PCDHGB5: variants seen among roughly 807,000 people sequenced by gnomAD.
The protein encoded by PCDHGB5 is protocadherin gamma subfamily B, 5.
A neutral mutation model predicts 62.9 loss-of-function variants in PCDHGB5; 48 were observed. The observed-to-expected ratio is 0.76, with a 90% CI of 0.61 to 0.97. PCDHGB5 has a LOEUF of 0.97. Among genes scored for constraint, PCDHGB5 ranks in the 50% least tolerant of loss-of-function variants. The pLI is 0.00. For missense variants in PCDHGB5, 1,118 were observed against 1,198.6 expected (o/e 0.93, Z 0.99); for synonymous variants, 474 against 511.2 (o/e 0.93, Z 0.98).
chr5:141,399,465 G>T lies in PCDHGB5; in HGVS notation c.1338G>T (p.Pro446=). 1 of 1,614,014 alleles carries T rather than the reference G, an allele frequency of 6.2e-7. No homozygotes were observed. The highest frequency in any genetic ancestry group is 8.5e-7 in the Non-Finnish European group (1 of 1,179,898). The change falls in exon 1 of 4, where the codon CCG becomes CCT. Residue 446 remains proline (P), a synonymous_variant. Transcript: ENST00000617380. ...TCAGAGACGTCAACGATAACGCTCC[G>T]GTTTTCCACCAGGCGTCCTACTTAG... The part of the protein sequence containing the change: ...LHIRDVNDNA[P]VFHQASYLVS...
Position 141,399,778 on chromosome 5 carries a change from C to G in PCDHGB5, c.1651C>G (p.Arg551Gly), listed in dbSNP as rs187080333. Reference protein sequence around the residue: ...NVSLRVLVGDRNDNAPRVLYP... With the variant: ...NVSLRVLVGDGNDNAPRVLYP... ...GAGCCTGCGCGTGTTGGTGGGCGACCGAAACGACAACGCACCGCGGGTGCT... is the reference window on the plus strand; with the variant it reads ...GAGCCTGCGCGTGTTGGTGGGCGACGGAAACGACAACGCACCGCGGGTGCT... Residue 551 changes from arginine (R) to glycine (G), a missense_variant, in exon 1 of 4, where the codon CGA (arginine) becomes GGA (glycine). Physicochemically the swap from Arg to Gly is moderately radical, Grantham distance 125 (BLOSUM62 -2). This residue lies in a region of PCDHGB5 where 1,034 missense variants were observed against 1,029.1 expected (regional missense o/e 1.00). Coordinates refer to ENST00000617380, the MANE Select transcript of PCDHGB5 (RefSeq NM_018925.3). The G allele has an allele frequency of 3.4e-4, 542 of 1,613,250 alleles. 2 individuals are homozygous for G. The African/African-American group carries it at 5.6e-3, about 17-fold the overall frequency.
intron 2 of PCDHGB5, among the ~76,000 whole-genome samples, chr5:141,495,700 T>A (rs2099763052): frequency 6.6e-6 from 1 of 152,228 alleles, no homozygotes; most frequent in Non-Finnish European, 1.5e-5. Flanking sequence ...GCTCAATAAA[T>A]GTGGAGTGAG....
At chr5:141,478,493 G>A in intron 1 of PCDHGB5, 1 of 1,613,176 alleles carries the variant, frequency 6.2e-7, no homozygotes, top group Non-Finnish European at 8.5e-7. Flanking sequence ...GCGGAGCTGT[G>A]ATCCGGTGTT....
At chr5:141,437,761 C>G (rs1200327020) in intron 1 of PCDHGB5, among the ~76,000 whole-genome samples, 3 of 144,682 alleles carry the variant, frequency 2.1e-5, no homozygotes, top group Admixed American at 7.0e-5. Flanking sequence ...TTTTTTGAGA[C>G]AGAGTCTCAA....
At chr5:141,426,514 G>A (rs867794856) in intron 1 of PCDHGB5, 22 of 340,738 alleles carry the variant, frequency 6.5e-5, no homozygotes, top group Non-Finnish European at 8.2e-5. Context: ...ATACTTTACC[G>A]TGAACACGGA....
At position 141,490,487 on chromosome 5, in the gene PCDHGB5, C is replaced by T. The variant is rs1398601464; in HGVS notation, c.2398-4320C>T. Reference sequence around the variant, plus strand: ...ACCAGCCAGCCTTTGGACCGGGAGGCCACATCCCACTATATCATCGAGCTG... The same window carrying T: ...ACCAGCCAGCCTTTGGACCGGGAGGTCACATCCCACTATATCATCGAGCTG... On this transcript the variant is annotated intron_variant, in intron 1 of 3. Coordinates refer to ENST00000617380, the MANE Select transcript of PCDHGB5 (RefSeq NM_018925.3). This position sits in a 1 kb window ranked among gnomAD's most constrained non-coding sequence, Gnocchi z 5.4. 4 of 1,614,000 alleles carry T rather than the reference C, an allele frequency of 2.5e-6. No homozygotes were observed. The highest frequency in any genetic ancestry group is 1.7e-5 in the Admixed American group (1 of 59,996).
intron 2 of PCDHGB5, 147 bp from the exon 3 acceptor site, chr5:141,505,246 G>A (rs2099844792): frequency 2.1e-6 from 3 of 1,436,556 alleles, no homozygotes; most frequent in African/African-American, 1.4e-5. Flanking sequence ...AAGGATTGTA[G>A]AAGTGCCTCC....
At chr5:141,480,927 C>T (rs1562083028) in intron 1 of PCDHGB5, among the ~76,000 whole-genome samples, 1 of 152,090 alleles carries the variant, frequency 6.6e-6, no homozygotes, top group Non-Finnish European at 1.5e-5. Context: ...TACCTGTAGT[C>T]CCAGCTACTC....
intron 1 of PCDHGB5, among the ~76,000 whole-genome samples, chr5:141,492,996 AG>A: frequency 6.6e-6 from 1 of 152,348 alleles, no homozygotes; most frequent in Admixed American, 6.5e-5. Flanking sequence ...GCAGATGGAA[AG>A]CTATAGGCTC....
At position 141,470,884 on chromosome 5, in the gene PCDHGB5, G is replaced by T. The variant is rs2099243316; in HGVS notation, c.2398-23923G>T. 3.3e-5 allele frequency among the ~76,000 whole-genome samples: 5 copies of T among 151,648 alleles called. No individual in the cohort carries two copies. In the South Asian group the frequency reaches 1.0e-3, roughly 32 times the overall value. On this transcript the variant is annotated intron_variant, in intron 1 of 3. Coordinates refer to ENST00000617380, the MANE Select transcript of PCDHGB5 (RefSeq NM_018925.3). ...TTTGTTTGTTTGTTTTTTTGTTTTT[G>T]TTTTTGTTTTTTGTAGAGATGGGAC...
intron 1 of PCDHGB5, among the ~76,000 whole-genome samples, chr5:141,481,869 G>A (rs909237712): frequency 4.1e-5 from 6 of 146,780 alleles, no homozygotes; most frequent in East Asian, 2.0e-4. Flanking sequence ...AGCCGAGATC[G>A]CGCCACTGCA....
chr5:141,438,682 A>G (rs1282726848), intron 1 of PCDHGB5, among the ~76,000 whole-genome samples: 13 of 140,730 alleles, frequency 9.2e-5, no homozygotes, highest in Admixed American at 6.6e-4. Flanking sequence ...GGAGTAGGGG[A>G]TGGAGTCTTG....
chr5:141,427,693 C>A, intron 1 of PCDHGB5: 2 of 909,726 alleles, frequency 2.2e-6, no homozygotes, highest in East Asian at 2.5e-5. Context: ...GCCTCCATCC[C>A]ACAAGTCAGC....
In PCDHGB5 at chr5:141,403,922, G is replaced by A. The variant is rs770450211; in HGVS notation, c.2397+3398G>A. ...TGAAATGGAAATACAAGCTGAAGAT[G>A]GTGGGGGATTGAAAGGGTGGACAAA... On this transcript the variant is annotated intron_variant, in intron 1 of 3. Transcript: ENST00000617380. 6.2e-6 allele frequency: 10 copies of A among 1,613,904 alleles called. No individual in the cohort carries two copies. The East Asian group carries it at 2.2e-4, about 36-fold the overall frequency.
At position 141,489,774 on chromosome 5, in the gene PCDHGB5, C is replaced by T; in HGVS notation, c.2398-5033C>T. The T allele has an allele frequency of 1.2e-6, 2 of 1,614,164 alleles. No homozygotes were observed. Among genetic ancestry groups the T allele is most frequent in the Non-Finnish European group, 8.5e-7 (1 of 1,179,998 alleles). On this transcript the variant is annotated intron_variant, in intron 1 of 3. Transcript: ENST00000617380. The surrounding 1 kb of genome is among the most constrained non-coding windows in gnomAD (Gnocchi z 4.5). The stretch of plus-strand genomic sequence containing the variant: ...ACACTCTAAGCCCCAACAGCCACTT[C>T]TCTCTGAATGTGAAGACCCTAAAAG...
intron 1 of PCDHGB5, chr5:141,442,112 C>CTCG (rs2098300474): frequency 6.0e-6 from 1 of 166,158 alleles, no homozygotes; most frequent in Admixed American, 6.5e-5. Context: ...ACTACCGCCC[C>CTCG]TCGTCGCCGA....
Position 141,463,645 on chromosome 5 carries a change from G to T in PCDHGB5, c.2398-31162G>T, listed in dbSNP as rs372962993. ...TTGTATTTTGTTTAGTAGAGACGGG[G>T]TTTCACCGTGTTAGCCAGGATGGTC... On this transcript the variant is annotated intron_variant, in intron 1 of 3. Transcript: ENST00000617380. 7.9e-5 allele frequency among the ~76,000 whole-genome samples: 12 copies of T among 151,840 alleles called. No individual in the cohort carries two copies. In the East Asian group the frequency reaches 2.1e-3, roughly 27 times the overall value.
chr5:141,414,950 T>C (rs1017858929), intron 1 of PCDHGB5: 2 of 1,613,912 alleles, frequency 1.2e-6, no homozygotes, highest in African/African-American at 2.7e-5. Context: ...GGCTACCTGG[T>C]GACCAAGGTG....
intron 1 of PCDHGB5, chr5:141,423,748 T>TG: frequency 7.2e-6 from 2 of 278,014 alleles, no homozygotes; most frequent in Admixed American, 4.2e-4. Flanking sequence ...ATGAAAACTG[T>TG]TTGGGGGGGG....
Sources: gnomAD v4.1 joint callset for allele counts (sites outside exome capture counted in the v4.1 genomes callset) on GRCh38, gnomAD v4.1.1 for gene constraint, gnomAD v4.1.1 regional missense constraint, Gnocchi (gnomAD v3.1) non-coding constraint, MANE v1.5 for transcripts, NCBI Gene and HGNC (gene_info 2026-07-23, HGNC 2026-07-21) for gene names.